The following INVS variants were observed in gnomAD, a reference collection of about 807,000 sequenced individuals.
The protein encoded by INVS is inversion of embryo turning homolog.
A neutral mutation model predicts 108.8 loss-of-function variants in INVS; 86 were observed. The ratio of observed to expected loss-of-function variants is 0.79; its 90% CI spans 0.66 to 0.95. The LOEUF is 0.95. Ranked by LOEUF, INVS falls within the 40% of genes least tolerant of loss-of-function variation. INVS has a pLI of 0.00. For synonymous variants in INVS, 455 were observed against 473.5 expected (o/e 0.96, Z 0.51); for missense variants, 1,169 against 1,297.4 (o/e 0.90, Z 1.52).
chr9:100,174,273 A>T (rs1468054383), intron 3 of INVS, among the ~76,000 whole-genome samples: 1 of 152,188 alleles, frequency 6.6e-6, no homozygotes, highest in African/African-American at 2.4e-5. Flanking sequence ...AAACTCTATA[A>T]AAAGAACTAA....
At chr9:100,170,233 A>G (rs1268305988) in intron 3 of INVS, among the ~76,000 whole-genome samples, 1 of 152,174 alleles carries the variant, frequency 6.6e-6, no homozygotes, top group Non-Finnish European at 1.5e-5. Context: ...TTGTGAGTAC[A>G]TTTATACTTA....
chr9:100,161,378 A>G (rs975628912), intron 3 of INVS, among the ~76,000 whole-genome samples: 1 of 114,496 alleles, frequency 8.7e-6, no homozygotes, highest in African/African-American at 5.0e-5. Flanking sequence ...AAAAAAAAAA[A>G]AAAAAAAAAA....
At chr9:100,100,692 A>ATATGTACATATATAATATATATAT (rs1826840908) in intron 1 of INVS, among the ~76,000 whole-genome samples, 1 of 1,676 alleles carries the variant, frequency 6.0e-4, no homozygotes, top group Non-Finnish European at 8.5e-4. Flanking sequence ...TATATATATT[A>ATATGTACATATATAATATATATAT]TATATGTACA....
At chr9:100,151,973 A>G (rs1828821435) in intron 3 of INVS, among the ~76,000 whole-genome samples, 1 of 152,144 alleles carries the variant, frequency 6.6e-6, no homozygotes, top group Non-Finnish European at 1.5e-5. Flanking sequence ...TATACTTACA[A>G]CTGCCTAAAC....
At chr9:100,113,644 GATGTT>G (rs1827417366) in intron 2 of INVS, among the ~76,000 whole-genome samples, 2 of 151,946 alleles carry the variant, frequency 1.3e-5, no homozygotes, top group Admixed American at 6.6e-5. Flanking sequence ...GGTGGAGTGT[GATGTT>G]ATAATACATG....
At chr9:100,292,020 A>T (rs192041730) in intron 13 of INVS, among the ~76,000 whole-genome samples, 1 of 152,192 alleles carries the variant, frequency 6.6e-6, no homozygotes, top group Non-Finnish European at 1.5e-5. Context: ...ATCAGCTCAC[A>T]TACTTAATTG....
chr9:100,148,977 G>A (rs527936439), intron 3 of INVS, among the ~76,000 whole-genome samples: 1 of 151,984 alleles, frequency 6.6e-6, no homozygotes, highest in South Asian at 2.1e-4. Context: ...GTAACAGACT[G>A]CCATGTATCA....
At chr9:100,262,025 A>G (rs1832641010) in intron 10 of INVS, among the ~76,000 whole-genome samples, 1 of 149,604 alleles carries the variant, frequency 6.7e-6, no homozygotes, top group African/African-American at 2.5e-5. Context: ...AATATGGCAA[A>G]TTACATTGAC....
intron 1 of INVS, among the ~76,000 whole-genome samples, chr9:100,103,276 C>G (rs1452850566): frequency 1.3e-5 from 2 of 152,216 alleles, no homozygotes; most frequent in Non-Finnish European, 2.9e-5. Context: ...ACTTCCACCT[C>G]AGCCTCCCGA....
At chr9:100,268,032 G>A (rs929546800) in intron 11 of INVS, among the ~76,000 whole-genome samples, 2 of 152,020 alleles carry the variant, frequency 1.3e-5, no homozygotes, top group African/African-American at 2.4e-5. Context: ...AAGTGGTCCC[G>A]ATCCCGACCC....
intron 12 of INVS, among the ~76,000 whole-genome samples, chr9:100,279,092 A>G (rs1833200323): frequency 6.6e-6 from 1 of 152,240 alleles, no homozygotes; most frequent in Non-Finnish European, 1.5e-5. Flanking sequence ...AAGGAAGTTT[A>G]GCCAAATAGT....
intron 5 of INVS, among the ~76,000 whole-genome samples, chr9:100,237,854 T>G (rs1365157705): frequency 6.6e-6 from 1 of 151,680 alleles, no homozygotes; most frequent in Non-Finnish European, 1.5e-5. Flanking sequence ...CTTTCGGTGG[T>G]CAACTCTCTC....
chr9:100,145,337 G>C (rs904081950), intron 3 of INVS, among the ~76,000 whole-genome samples: 1 of 151,880 alleles, frequency 6.6e-6, no homozygotes, highest in African/African-American at 2.4e-5. Context: ...AGAAATAAGG[G>C]ATCAGGGCGC....
At chr9:100,158,156 G>A (rs1829062175) in intron 3 of INVS, among the ~76,000 whole-genome samples, 1 of 151,972 alleles carries the variant, frequency 6.6e-6, no homozygotes, top group Admixed American at 6.6e-5. Flanking sequence ...CCTCTTAGTA[G>A]ATCTATCTTG....
intron 3 of INVS, among the ~76,000 whole-genome samples, chr9:100,150,879 A>T (rs1450887935): frequency 1.3e-5 from 2 of 152,222 alleles, no homozygotes; most frequent in Non-Finnish European, 2.9e-5. Flanking sequence ...TACAAATGTG[A>T]CAACAGATGA....
intron 12 of INVS, among the ~76,000 whole-genome samples, chr9:100,280,354 C>A (rs1833238014): frequency 1.3e-5 from 2 of 152,180 alleles, no homozygotes; most frequent in South Asian, 4.1e-4. Flanking sequence ...AAGATTTGAT[C>A]CCCAGTTGAC....
At chr9:100,175,410 G>A in intron 3 of INVS, 1 of 887,808 alleles carries the variant, frequency 1.1e-6, no homozygotes, top group South Asian at 1.3e-5. Context: ...GGAAGACAAA[G>A]TCCTGGTCAA....
chr9:100,297,310 T>G (rs1833819105), intron 15 of INVS, among the ~76,000 whole-genome samples, 164 bp downstream of exon 15: 2 of 152,186 alleles, frequency 1.3e-5, no homozygotes, highest in African/African-American at 4.8e-5. Context: ...CAATTAATTT[T>G]GCACCAACCT....
At chr9:100,193,258 G>T (rs1258765359) in intron 3 of INVS, among the ~76,000 whole-genome samples, 2 of 152,018 alleles carry the variant, frequency 1.3e-5, no homozygotes, top group African/African-American at 2.4e-5. Context: ...GGGATTACAT[G>T]CATCAGTCAT....
Sources: allele counts gnomAD v4.1 joint callset (sites outside exome capture counted in the v4.1 genomes callset), GRCh38; gene constraint gnomAD v4.1.1; transcripts MANE v1.5; gene names NCBI Gene and HGNC (gene_info 2026-07-23, HGNC 2026-07-21).